The following AMOTL1 variants were observed in gnomAD, a reference collection of about 807,000 sequenced individuals.
AMOTL1 encodes angiomotin like 1.
Under a neutral mutation model 102.9 loss-of-function variants are expected in AMOTL1, and 45 were observed. The observed-to-expected ratio is 0.44, with a 90% CI of 0.34 to 0.56. AMOTL1 has a LOEUF of 0.56. Among genes scored for constraint, AMOTL1 ranks in the 20% least tolerant of loss-of-function variants. AMOTL1 has a pLI of 0.01. For missense variants in AMOTL1, 1,114 were observed against 1,225.6 expected (o/e 0.91, Z 1.36); for synonymous variants, 481 against 484.7 (o/e 0.99, Z 0.10).
At chr11:94,849,087 T>C (rs1952478856) in intron 6 of AMOTL1, among the ~76,000 whole-genome samples, 1 of 152,218 alleles carries the variant, frequency 6.6e-6, no homozygotes, top group Non-Finnish European at 1.5e-5. Context: ...GCTACTATTG[T>C]CATTCTATGC....
intron 2 of AMOTL1, among the ~76,000 whole-genome samples, chr11:94,796,424 T>G (rs1017516266): frequency 1.3e-5 from 2 of 152,088 alleles, no homozygotes; most frequent in Non-Finnish European, 2.9e-5. Context: ...AGGCAACACA[T>G]AAATATAACA....
chr11:94,768,297 A>G, upstream of AMOTL1: 1 of 1,340,172 alleles, frequency 7.5e-7, no homozygotes, highest in South Asian at 1.8e-5. Context: ...TCTAGTGACG[A>G]GCCCGGGCGA....
At chr11:94,829,078 C>T (rs750691202) in intron 4 of AMOTL1, among the ~76,000 whole-genome samples, 24 of 151,912 alleles carry the variant, frequency 1.6e-4, no homozygotes, top group Non-Finnish European at 3.1e-4. Context: ...TTATATGTGC[C>T]GTAGATTAAA....
intron 1 of AMOTL1, among the ~76,000 whole-genome samples, chr11:94,780,003 C>G (rs995827204): frequency 6.6e-6 from 1 of 152,064 alleles, no homozygotes; most frequent in Non-Finnish European, 1.5e-5. Flanking sequence ...AGAGTTTTTC[C>G]TATGTTGTCA....
chr11:94,777,707 T>C (rs1233553032), intron 1 of AMOTL1, among the ~76,000 whole-genome samples: 1 of 152,234 alleles, frequency 6.6e-6, no homozygotes, highest in East Asian at 1.9e-4. Context: ...GCTAATTGAA[T>C]TTACTTTGAA....
chr11:94,802,803 C>T (rs1951501041), intron 3 of AMOTL1, among the ~76,000 whole-genome samples: 1 of 152,232 alleles, frequency 6.6e-6, no homozygotes, highest in Admixed American at 6.5e-5. Flanking sequence ...ACCAGCCCTG[C>T]TTCAGACACA....
At chr11:94,712,653 T>C (rs1950037403) in intron 1 of AMOTL1, among the ~76,000 whole-genome samples, 1 of 151,190 alleles carries the variant, frequency 6.6e-6, no homozygotes, top group Non-Finnish European at 1.5e-5. Flanking sequence ...ATAACCCCAC[T>C]ATATTCTAAT....
intron 3 of AMOTL1, among the ~76,000 whole-genome samples, chr11:94,813,781 A>T (rs1348392323): frequency 1.3e-5 from 2 of 152,250 alleles, no homozygotes; most frequent in Admixed American, 1.3e-4. Context: ...GAATGGACCC[A>T]AAACACTACA....
chr11:94,772,466 A>G (rs1186486937), intron 1 of AMOTL1, among the ~76,000 whole-genome samples: 1 of 152,162 alleles, frequency 6.6e-6, no homozygotes, highest in African/African-American at 2.4e-5. Context: ...CATAAATACA[A>G]TCATGTAGTA....
In AMOTL1 at chr11:94,785,769, C is replaced by T. The variant is rs554193258; in HGVS notation, c.50-9242C>T. ...CAGGAAGTATCTGAACTGCTCCTTT[C>T]TCTTAGTGGGAGTGAGAGAGGGAGC... On this transcript the variant is annotated intron_variant, in intron 1 of 12. Transcript: ENST00000433060. Among the ~76,000 whole-genome samples, 261 of 152,278 alleles carry T rather than the reference C, an allele frequency of 1.7e-3. 2 individuals are homozygous for T. Among genetic ancestry groups the T allele is most frequent in the African/African-American group, 5.9e-3 (244 of 41,548 alleles).
chr11:94,742,397 A>C (rs1207799436), intron 3 of AMOTL1, among the ~76,000 whole-genome samples: 3 of 152,232 alleles, frequency 2.0e-5, no homozygotes, highest in Admixed American at 2.0e-4. Flanking sequence ...ACATAAACAT[A>C]AGCAATGGTA....
At chr11:94,770,185 C>G (rs1451006811) in intron 1 of AMOTL1, among the ~76,000 whole-genome samples, 1 of 152,186 alleles carries the variant, frequency 6.6e-6, no homozygotes, top group Non-Finnish European at 1.5e-5. Flanking sequence ...TTAAGGAGCT[C>G]TCTAGATTGC....
chr11:94,744,139 G>C (rs531213861), intron 3 of AMOTL1, among the ~76,000 whole-genome samples: 1 of 152,294 alleles, frequency 6.6e-6, no homozygotes, highest in African/African-American at 2.4e-5. Context: ...TACCACTTCA[G>C]ATATCAACGG....
In AMOTL1 at chr11:94,768,413, A is replaced by C; in HGVS notation, c.-99A>C. ...TTGTCGGGTTTGGGGCTGGAGGTGA[A>C]GCCCTGTGTGAATGGGGTTGATTGT... On this transcript the variant is annotated 5_prime_UTR_variant, in exon 1 of 13. Transcript: ENST00000433060. The C allele has an allele frequency of 6.5e-7, 1 of 1,531,582 alleles. No individual in the cohort carries two copies. The allele number at this position is 1,531,582 out of a possible 1,614,324, so 94.9% of individuals were successfully genotyped here. A position where few individuals can be genotyped will look rare whatever the true frequency, so the allele number is the denominator to read the frequency against.
At chr11:94,841,085 G>A (rs1380307046) in intron 6 of AMOTL1, among the ~76,000 whole-genome samples, 5 of 151,968 alleles carry the variant, frequency 3.3e-5, no homozygotes. Context: ...GAGCCAAATC[G>A]TCCAGGAGGG....
chr11:94,717,041 T>C lies in AMOTL1; in HGVS notation c.-51+10444T>C, dbSNP rs201107951. On this transcript the variant is annotated intron_variant, in intron 1 of 4. Coordinates refer to the AMOTL1 transcript ENST00000299004. The stretch of plus-strand genomic sequence containing the variant: ...TGTTTGTTTTTCAATGCTATGCCTG[T>C]TGGTGGTTTGGGGTTGTAAGCCTCC... Among the ~76,000 whole-genome samples the C allele has an allele frequency of 5.3e-5, 8 of 151,858 alleles. No individual in the cohort carries two copies. The East Asian group carries it at 1.6e-3, about 30-fold the overall frequency.
intron 6 of AMOTL1, among the ~76,000 whole-genome samples, chr11:94,844,475 G>C (rs1243642097): frequency 6.6e-6 from 1 of 152,190 alleles, no homozygotes; most frequent in African/African-American, 2.4e-5. Flanking sequence ...CCACAGACTA[G>C]GTAATTTACA....
chr11:94,834,937 G>T (rs886976948), intron 6 of AMOTL1, among the ~76,000 whole-genome samples: 1 of 152,164 alleles, frequency 6.6e-6, no homozygotes. Flanking sequence ...GAAGGCCTTG[G>T]TGGACTGCCT....
At chr11:94,865,031 C>T (rs546003997) in intron 10 of AMOTL1, among the ~76,000 whole-genome samples, 171 bp downstream of exon 10, 27 of 152,286 alleles carry the variant, frequency 1.8e-4, no homozygotes, top group South Asian at 1.4e-3. Flanking sequence ...AACCTAAGCA[C>T]GTGGTTCCAC....
Sources: allele counts gnomAD v4.1 joint callset (sites outside exome capture counted in the v4.1 genomes callset), GRCh38; gene constraint gnomAD v4.1.1; transcripts MANE v1.5; gene names NCBI Gene and HGNC (gene_info 2026-07-23, HGNC 2026-07-21).